DGKB: variants seen among roughly 807,000 people sequenced by gnomAD.
DGKB encodes the protein 90 kDa diacylglycerol kinase.
DGKB carries 67 observed loss-of-function variants against 114.3 expected under a neutral mutation model. The ratio of observed to expected loss-of-function variants is 0.59; its 90% confidence interval spans 0.48 to 0.72. The LOEUF (loss-of-function observed/expected upper bound fraction) is 0.72, where lower values mean the gene tolerates loss of function less well. Among genes scored for constraint, DGKB ranks in the 30% least tolerant of loss-of-function variants. The pLI is 0.00. For missense variants in DGKB, 907 were observed against 975.2 expected, an observed-to-expected ratio of 0.93 and a Z score of 0.93; for synonymous variants, 398 against 323.1, an observed-to-expected ratio of 1.23 and a Z score of -2.49.
intron 21 of DGKB, among the ~76,000 whole-genome samples, chr7:14,413,935 C>T (rs1034151270): frequency 1.3e-5 from 2 of 152,132 alleles, no homozygotes; most frequent in African/African-American, 4.8e-5. Flanking sequence ...GATTTGAGCA[C>T]ATTAAGAGTA....
chr7:14,724,829 T>A (rs549648072), intron 5 of DGKB, among the ~76,000 whole-genome samples: 138 of 152,296 alleles, frequency 9.1e-4, no homozygotes, highest in Admixed American at 2.5e-3. Context: ...TGGACTCTTT[T>A]TAAAAGCAGT....
chr7:14,929,030 C>T (rs1304377890), intron 1 of DGKB, among the ~76,000 whole-genome samples: 1 of 150,002 alleles, frequency 6.7e-6, no homozygotes, highest in East Asian at 2.0e-4. Context: ...TATACACACA[C>T]ACACACACAC....
chr7:14,673,045 G>C lies in DGKB; in HGVS notation c.1036-18C>G, dbSNP rs970778270. 6.8e-7 allele frequency: 1 copy of C among 1,470,852 alleles called. No homozygotes were observed. Among genetic ancestry groups the C allele is most frequent in the Non-Finnish European group, 9.3e-7 (1 of 1,071,998 alleles). The allele number at this position is 1,470,852 out of a possible 1,614,324, so 91.1% of individuals were successfully genotyped here. A position where few individuals can be genotyped will look rare whatever the true frequency, so the allele number is the denominator to read the frequency against. On this transcript the variant is annotated intron_variant, in intron 12 of 25. Coordinates refer to ENST00000402815, the MANE Select transcript of DGKB (RefSeq NM_001350709.2). ...TTATGCAGCTAGAAAAACAGAAAGG[G>C]GGATAGTATCAAATTCTACATGACA...
In DGKB at chr7:14,471,264, A is replaced by T. The variant is rs1423853070; in HGVS notation, c.1835+6897T>A. On this transcript the variant is annotated intron_variant, in intron 21 of 25. Transcript: ENST00000402815. ...GTATACATACATATATGTGTATGGA[A>T]TATATGTGTATACATACATATATGT... Among the ~76,000 whole-genome samples, 92 of 141,920 alleles carry T rather than the reference A, an allele frequency of 6.5e-4. 8 individuals are homozygous for T. Among genetic ancestry groups the T allele is most frequent in the Non-Finnish European group, 1.0e-3 (66 of 65,798 alleles). The allele number at this position is 141,920 out of a possible 152,430, so 93.1% of individuals were successfully genotyped here. A position where few individuals can be genotyped will look rare whatever the true frequency, so the allele number is the denominator to read the frequency against.
chr7:14,422,701 C>CTT (rs1826901881), intron 21 of DGKB, among the ~76,000 whole-genome samples: 1 of 151,810 alleles, frequency 6.6e-6, no homozygotes, highest in African/African-American at 2.4e-5. Context: ...CATTTTAGTA[C>CTT]TTAATCCTAT....
At chr7:14,634,621 G>C (rs1371638229) in intron 13 of DGKB, among the ~76,000 whole-genome samples, 1 of 150,794 alleles carries the variant, frequency 6.6e-6, no homozygotes, top group South Asian at 2.1e-4. Context: ...GATATCTCTG[G>C]CATCAAAAAA....
chr7:14,443,166 CT>C (rs1350638990), intron 21 of DGKB, among the ~76,000 whole-genome samples: 2 of 151,856 alleles, frequency 1.3e-5, no homozygotes, highest in African/African-American at 4.8e-5. Flanking sequence ...TTTCTTATTT[CT>C]TTTGCATTAC....
At chr7:14,638,901 G>C (rs1563753353) in intron 13 of DGKB, among the ~76,000 whole-genome samples, 1 of 152,020 alleles carries the variant, frequency 6.6e-6, no homozygotes, top group African/African-American at 2.4e-5. Context: ...ATCCCGGCAT[G>C]GTGGCTTGCT....
intron 23 of DGKB, among the ~76,000 whole-genome samples, chr7:14,259,981 G>A (rs1448986416): frequency 6.6e-6 from 1 of 151,976 alleles, no homozygotes; most frequent in East Asian, 1.9e-4. Context: ...ATTTCAAATT[G>A]TTGAGCACTT....
intron 20 of DGKB, among the ~76,000 whole-genome samples, chr7:14,485,130 AC>A (rs1783596936): frequency 1.5e-5 from 2 of 135,502 alleles, no homozygotes; most frequent in Admixed American, 7.3e-5. Context: ...ACACACACAC[AC>A]ACACAATCAG....
At chr7:14,884,668 C>G (rs879707523) in intron 1 of DGKB, among the ~76,000 whole-genome samples, 1 of 151,910 alleles carries the variant, frequency 6.6e-6, no homozygotes, top group Admixed American at 6.6e-5. Flanking sequence ...TCATCTCAGG[C>G]TCTGTAAATT....
chr7:14,913,934 G>C (rs538697905), intron 1 of DGKB, among the ~76,000 whole-genome samples: 2 of 152,124 alleles, frequency 1.3e-5, no homozygotes, highest in Non-Finnish European at 2.9e-5. Context: ...AATCACAGCC[G>C]AGATCAGCTT....
At chr7:14,412,619 G>A (rs10239634) in intron 21 of DGKB, among the ~76,000 whole-genome samples, 148,342 of 152,196 alleles carry the variant, frequency 0.97, 72,399 homozygotes, top group Non-Finnish European at 1. Context: ...GGAGGTGATC[G>A]TATAAGAAAA....
At chr7:14,347,161 C>G (rs1336407610) in intron 21 of DGKB, among the ~76,000 whole-genome samples, 1 of 151,840 alleles carries the variant, frequency 6.6e-6, no homozygotes, top group African/African-American at 2.4e-5. Flanking sequence ...ACATGTGAGG[C>G]CCACTGGGAT....
chr7:14,516,136 C>G (rs1041038561), intron 20 of DGKB, among the ~76,000 whole-genome samples: 1 of 152,204 alleles, frequency 6.6e-6, no homozygotes, highest in African/African-American at 2.4e-5. Flanking sequence ...GCATGAGCCA[C>G]TGTGCTCAGC....
At chr7:14,482,323 TTAAA>T (rs72310085) in intron 20 of DGKB, among the ~76,000 whole-genome samples, 1,523 of 152,122 alleles carry the variant, frequency 0.01, 32 homozygotes, top group African/African-American at 0.035. Flanking sequence ...AGATGGTTAA[TTAAA>T]TAAATTGCAT....
chr7:14,954,029 G>A (rs537249507), intron 1 of DGKB, among the ~76,000 whole-genome samples: 1 of 152,138 alleles, frequency 6.6e-6, no homozygotes, highest in Admixed American at 6.6e-5. Flanking sequence ...AAGCCCTCCA[G>A]GTGATTTTGG....
At chr7:14,567,191 T>TTA (rs1306838668) in intron 20 of DGKB, among the ~76,000 whole-genome samples, 1 of 87,110 alleles carries the variant, frequency 1.1e-5, no homozygotes, top group African/African-American at 4.7e-5. Context: ...AATTATATAT[T>TTA]TATATATTAT....
chr7:14,488,199 A>C (rs1584329821), intron 20 of DGKB, among the ~76,000 whole-genome samples: 1 of 152,240 alleles, frequency 6.6e-6, no homozygotes, highest in South Asian at 2.1e-4. Flanking sequence ...CAAAATATGA[A>C]AAAAATTGAC....
Sources: allele counts gnomAD v4.1 joint callset (sites outside exome capture counted in the v4.1 genomes callset), GRCh38; gene constraint gnomAD v4.1.1; transcripts MANE v1.5; gene names NCBI Gene and HGNC (gene_info 2026-07-23, HGNC 2026-07-21).